MTHFD2L: variants seen among roughly 807,000 people sequenced by gnomAD.
MTHFD2L encodes methylenetetrahydrofolate dehydrogenase (NADP+ dependent) 2 like.
A neutral mutation model predicts 34.9 loss-of-function variants in MTHFD2L; 29 were observed. The ratio of observed to expected loss-of-function variants is 0.83; its 90% CI spans 0.62 to 1.13. The LOEUF is 1.13. MTHFD2L is among the 50% of genes most tolerant of loss of function. MTHFD2L has a pLI of 0.00. For missense variants in MTHFD2L, 481 were observed against 446.5 expected (o/e 1.08, Z -0.70); for synonymous variants, 167 against 155.7 (o/e 1.07, Z -0.54).
chr4:74,283,619 G>A (rs1747772865), intron 7 of MTHFD2L, among the ~76,000 whole-genome samples: 1 of 152,006 alleles, frequency 6.6e-6, no homozygotes, highest in Admixed American at 6.6e-5. Context: ...GGCATATCTT[G>A]GACATCCAAC....
At chr4:74,150,953 C>T (rs1723900762) in intron 1 of MTHFD2L, among the ~76,000 whole-genome samples, 1 of 151,786 alleles carries the variant, frequency 6.6e-6, no homozygotes, top group South Asian at 2.1e-4. Flanking sequence ...ATCATTATCC[C>T]ATATTCACTG....
At chr4:74,202,074 C>T (rs986704132) in intron 5 of MTHFD2L, among the ~76,000 whole-genome samples, 2 of 152,242 alleles carry the variant, frequency 1.3e-5, no homozygotes, top group African/African-American at 4.8e-5. Context: ...ACCAGTCCAG[C>T]TGAGCATCTG....
upstream of MTHFD2L, among the ~76,000 whole-genome samples, chr4:74,118,656 A>G (rs484608): frequency 0.97 from 148,126 of 152,306 alleles, 72,171 homozygotes; most frequent in East Asian, 1. Flanking sequence ...AGATGCAACC[A>G]CACAGAGAAA....
At chr4:74,283,161 C>T in intron 7 of MTHFD2L, among the ~76,000 whole-genome samples, 1 of 152,164 alleles carries the variant, frequency 6.6e-6, no homozygotes. Flanking sequence ...AGTTCACAGC[C>T]TTGACTGCCT....
chr4:74,188,754 GTA>G (rs371516676), intron 3 of MTHFD2L, among the ~76,000 whole-genome samples: 1 of 10,006 alleles, frequency 1.0e-4, no homozygotes, highest in Non-Finnish European at 8.1e-4. Flanking sequence ...ATATATATGG[GTA>G]TATATATATG....
intron 1 of MTHFD2L, among the ~76,000 whole-genome samples, chr4:74,142,686 C>T (rs569670621): frequency 2.0e-5 from 3 of 152,312 alleles, no homozygotes; most frequent in African/African-American, 7.2e-5. Flanking sequence ...TAACAACATA[C>T]TTATTCCATG....
intron 6 of MTHFD2L, among the ~76,000 whole-genome samples, chr4:74,239,181 T>C (rs1031928445): frequency 1.3e-5 from 2 of 152,144 alleles, no homozygotes; most frequent in Admixed American, 6.5e-5. Flanking sequence ...TCATGTCCTT[T>C]GCAAGGACAT....
chr4:74,269,059 A>T (rs570713762), intron 6 of MTHFD2L, among the ~76,000 whole-genome samples: 6 of 152,314 alleles, frequency 3.9e-5, no homozygotes, highest in African/African-American at 1.4e-4. Flanking sequence ...ATCTATATAG[A>T]TGATCCATTG....
intron 6 of MTHFD2L, among the ~76,000 whole-genome samples, chr4:74,252,954 G>C (rs1262697598): frequency 1.3e-5 from 2 of 151,974 alleles, no homozygotes; most frequent in Admixed American, 6.6e-5. Flanking sequence ...AACAATCCTA[G>C]AATTTATAAG....
intron 6 of MTHFD2L, among the ~76,000 whole-genome samples, chr4:74,272,938 G>A (rs965764311): frequency 5.3e-5 from 8 of 152,082 alleles, no homozygotes; most frequent in African/African-American, 1.9e-4. Context: ...TCCAATCTAT[G>A]TTTACAGGAA....
intron 5 of MTHFD2L, among the ~76,000 whole-genome samples, chr4:74,220,662 T>A (rs951918883): frequency 6.6e-6 from 1 of 151,832 alleles, no homozygotes; most frequent in African/African-American, 2.4e-5. Context: ...TTTGTTATGC[T>A]TATTTTAAGT....
chr4:74,177,557 A>C (rs980314744), intron 3 of MTHFD2L, among the ~76,000 whole-genome samples: 3 of 151,968 alleles, frequency 2.0e-5, no homozygotes, highest in African/African-American at 4.8e-5. Flanking sequence ...CCACAATGAG[A>C]TATCACCTCA....
chr4:74,128,146 C>T lies in MTHFD2L; in HGVS notation c.-297+2629C>T. On this transcript the variant is annotated intron_variant, in intron 1 of 7. Coordinates refer to the MTHFD2L transcript ENST00000433372. ...TGGAGCTCCTTATATATTCTTGTTA[C>T]TAATACTTGTGAAATGGATAGTTTA... 1.3e-5 allele frequency among the ~76,000 whole-genome samples: 2 copies of T among 151,982 alleles called. 1 individual carries two copies. Among genetic ancestry groups the T allele is most frequent in the Non-Finnish European group, 2.9e-5 (2 of 67,934 alleles).
chr4:74,160,097 T>C, intron 1 of MTHFD2L: 1 of 1,289,524 alleles, frequency 7.8e-7, no homozygotes, highest in Non-Finnish European at 1.0e-6. Flanking sequence ...AGGTTGCCAC[T>C]GTCTGCCTCC....
chr4:74,157,847 A>G, upstream of MTHFD2L: 1 of 598,004 alleles, frequency 1.7e-6, no homozygotes, highest in Non-Finnish European at 3.1e-6. Flanking sequence ...TGCCAGCTAT[A>G]TGTTGGCTGG....
intron 2 of MTHFD2L, 94 bp from the exon 3 acceptor site, chr4:74,175,187 G>A (rs1365562977): frequency 1.7e-5 from 22 of 1,327,408 alleles, no homozygotes; most frequent in East Asian, 9.4e-5. Flanking sequence ...AACCTTTCAC[G>A]GCAGTAGGAA....
At position 74,201,122 on chromosome 4, in the gene MTHFD2L, A is replaced by T. The variant is rs1319865884; in HGVS notation, c.605-141A>T. 10 of 581,570 alleles carry T rather than the reference A, an allele frequency of 1.7e-5. No individual in the cohort carries two copies. In the Admixed American group the frequency reaches 2.8e-4, roughly 16 times the overall value. 36.0% of individuals were successfully genotyped at this position (581,570 alleles called of 1,614,324 possible). A position where few individuals can be genotyped will look rare whatever the true frequency, so the allele number is the denominator to read the frequency against. On this transcript the variant is annotated intron_variant, in intron 4 of 7. Transcript: ENST00000325278. ...AAAATGAATTATTTATAAATAATGA[A>T]TGTGCTCATATTATAGATAAGCCAC...
intron 7 of MTHFD2L, among the ~76,000 whole-genome samples, chr4:74,301,023 C>A (rs1375161609): frequency 6.6e-6 from 1 of 152,040 alleles, no homozygotes; most frequent in Non-Finnish European, 1.5e-5. Flanking sequence ...TATCACATAT[C>A]ACTAGCTGGG....
chr4:74,154,077 T>C (rs560354040), upstream of MTHFD2L, among the ~76,000 whole-genome samples: 9 of 152,330 alleles, frequency 5.9e-5, no homozygotes, highest in African/African-American at 2.2e-4. Flanking sequence ...CTTTACAGTT[T>C]TGAGACATAC....
Sources: gnomAD v4.1 joint callset for allele counts (sites outside exome capture counted in the v4.1 genomes callset) on GRCh38, gnomAD v4.1.1 for gene constraint, MANE v1.5 for transcripts, NCBI Gene and HGNC (gene_info 2026-07-23, HGNC 2026-07-21) for gene names.